CFAP20DC: variants seen among roughly 807,000 people sequenced by gnomAD.
The protein encoded by CFAP20DC is protein CFAP20DC.
A neutral mutation model predicts 101.7 loss-of-function variants in CFAP20DC; 84 were observed. The observed-to-expected ratio is 0.83, with a 90% CI of 0.69 to 0.99. The LOEUF (loss-of-function observed/expected upper bound fraction) is 0.99. CFAP20DC is among the 50% of genes least tolerant of loss of function. The pLI, the probability that CFAP20DC is intolerant of heterozygous loss-of-function variation, is 0.00. For synonymous variants in CFAP20DC, 359 were observed against 351.2 expected, an observed-to-expected ratio of 1.02 and a Z score of -0.25; for missense variants, 1,007 against 970.3, an observed-to-expected ratio of 1.04 and a Z score of -0.50.
intron 14 of CFAP20DC, among the ~76,000 whole-genome samples, chr3:58,816,987 C>A (rs1258619530): frequency 6.6e-6 from 1 of 152,172 alleles, no homozygotes; most frequent in Admixed American, 6.5e-5. Context: ...TGGCCCCTGA[C>A]CCCCGAGCAG....
At chr3:58,809,534 C>T (rs2074421285) in intron 14 of CFAP20DC, among the ~76,000 whole-genome samples, 1 of 151,992 alleles carries the variant, frequency 6.6e-6, no homozygotes, top group South Asian at 2.1e-4. Flanking sequence ...ACCAGAATCT[C>T]TGGGACGCAT....
At chr3:58,996,600 T>C (rs955261243) in intron 4 of CFAP20DC, among the ~76,000 whole-genome samples, 1 of 152,194 alleles carries the variant, frequency 6.6e-6, no homozygotes, top group Non-Finnish European at 1.5e-5. Context: ...GCCTACTATA[T>C]CCTGGGCCAG....
Position 58,874,663 on chromosome 3 carries a change from C to T in CFAP20DC, c.716-4354G>A, listed in dbSNP as rs966346627. 2.0e-5 allele frequency among the ~76,000 whole-genome samples: 3 copies of T among 152,146 alleles called. No homozygotes were observed. Among genetic ancestry groups the T allele is most frequent in the Non-Finnish European group, 2.9e-5 (2 of 68,022 alleles). On this transcript the variant is annotated intron_variant, in intron 7 of 16. Coordinates refer to ENST00000482387, the MANE Select transcript of CFAP20DC (RefSeq NM_001394063.1). This position sits in a 1 kb window ranked among gnomAD's most constrained non-coding sequence, Gnocchi z 5.1. ...CTCTTGACCTTTATGCCTCAGTTCA[C>T]ATATCATTTCCTCAGACAAGTCTTT...
At chr3:58,847,959 T>C (rs13073691) in intron 13 of CFAP20DC, among the ~76,000 whole-genome samples, 9,968 of 120,504 alleles carry the variant, frequency 0.083, 546 homozygotes, top group East Asian at 0.31. Flanking sequence ...TAGGTGGGAA[T>C]TGAACAATGA....
chr3:58,870,106 A>G lies in CFAP20DC; in HGVS notation c.852+67T>C, dbSNP rs1289935239. 6 of 1,315,368 alleles carry G rather than the reference A, an allele frequency of 4.6e-6. No homozygotes were observed. The East Asian group carries it at 1.2e-4, about 26-fold the overall frequency. The allele number at this position is 1,315,368 out of a possible 1,614,324, so 81.5% of individuals were successfully genotyped here. On this transcript the variant is annotated intron_variant, in intron 8 of 16. Transcript: ENST00000482387. Reference sequence around the variant, plus strand: ...CTTTCCCTCCCTCCCTCCCTCTACAAGGGGAAGACACTCTTCCCTTACCAG... The same window carrying G: ...CTTTCCCTCCCTCCCTCCCTCTACAGGGGGAAGACACTCTTCCCTTACCAG...
chr3:59,013,537 T>A (rs2093630786), intron 4 of CFAP20DC, among the ~76,000 whole-genome samples: 1 of 152,064 alleles, frequency 6.6e-6, no homozygotes, highest in South Asian at 2.1e-4. Flanking sequence ...CTTTTGGGAG[T>A]CACTACAAAT....
intron 4 of CFAP20DC, among the ~76,000 whole-genome samples, chr3:58,952,125 T>C (rs926987474): frequency 3.3e-5 from 5 of 152,164 alleles, no homozygotes; most frequent in African/African-American, 4.8e-5. Context: ...TACAAATTCA[T>C]CATCAGCGTT....
chr3:58,754,858 CAA>C (rs1250408527), intron 15 of CFAP20DC, among the ~76,000 whole-genome samples: 1 of 152,040 alleles, frequency 6.6e-6, no homozygotes, highest in African/African-American at 2.4e-5. Flanking sequence ...GAGATAATAA[CAA>C]AAGAGTTGAG....
intron 14 of CFAP20DC, among the ~76,000 whole-genome samples, chr3:58,810,197 A>G (rs1295589110): frequency 6.6e-6 from 1 of 152,128 alleles, no homozygotes; most frequent in Non-Finnish European, 1.5e-5. Flanking sequence ...TCCCTAACTC[A>G]TTTTATGAGG....
At chr3:58,915,114 C>T (rs2084547084) in intron 5 of CFAP20DC, among the ~76,000 whole-genome samples, 1 of 152,100 alleles carries the variant, frequency 6.6e-6, no homozygotes, top group Non-Finnish European at 1.5e-5. Context: ...GAAGTTCGGA[C>T]TAACCATGAT....
At chr3:58,942,599 G>A (rs924949012) in intron 4 of CFAP20DC, among the ~76,000 whole-genome samples, 7 of 152,200 alleles carry the variant, frequency 4.6e-5, no homozygotes, top group African/African-American at 1.7e-4. Flanking sequence ...AATTCCCTCA[G>A]GTGCCTACAC....
chr3:58,890,994 A>G (rs1191770587), intron 6 of CFAP20DC, among the ~76,000 whole-genome samples: 1 of 146,798 alleles, frequency 6.8e-6, no homozygotes, highest in African/African-American at 2.6e-5. Flanking sequence ...GCGGCCAGGC[A>G]GAGACACTCC....
downstream of CFAP20DC, among the ~76,000 whole-genome samples, chr3:58,740,013 GAACA>G (rs2067846249): frequency 6.6e-6 from 1 of 152,192 alleles, no homozygotes; most frequent in African/African-American, 2.4e-5. This position sits in a 1 kb window ranked among gnomAD's most constrained non-coding sequence, Gnocchi z 4.6. Context: ...GTGGCCCCTG[GAACA>G]AACAAACTGG....
chr3:58,742,532 CA>C lies in CFAP20DC; in HGVS notation c.2372del (p.Leu791ArgfsTer9). 6.2e-7 allele frequency: 1 copy of C among 1,608,792 alleles called. No individual in the cohort carries two copies. The highest frequency in any genetic ancestry group is 8.5e-7 in the Non-Finnish European group (1 of 1,177,540). On this transcript the variant is annotated frameshift_variant, in exon 17 of 17. Coordinates refer to ENST00000482387, the MANE Select transcript of CFAP20DC (RefSeq NM_001394063.1). LOFTEE classifies it high-confidence loss of function. ...TCAGACAAGGGTCATACAACAAAGT[CA>C]GTACTTCCTCGTCCTCTTCCACACT... ...DLSVEEDEEVLTLLYDPCLNC... is the reference protein window; with the variant it reads ...DLSVEEDEEVXTLLYDPCLNC...
At chr3:58,787,425 C>T (rs1201430640) in intron 15 of CFAP20DC, among the ~76,000 whole-genome samples, 1 of 151,334 alleles carries the variant, frequency 6.6e-6, no homozygotes, top group Non-Finnish European at 1.5e-5. Flanking sequence ...ACCAGCATGG[C>T]ACATGTATAC....
In CFAP20DC at chr3:58,723,221, A is replaced by AT. The variant is rs558266296; in HGVS notation, c.198-5594dup. 1.8e-4 allele frequency among the ~76,000 whole-genome samples: 28 copies of AT among 152,328 alleles called. 1 individual carries two copies. The South Asian group carries it at 3.9e-3, about 21-fold the overall frequency. On this transcript the variant is annotated intron_variant, in intron 3 of 3. Coordinates refer to the CFAP20DC transcript ENST00000486145. Reference sequence around the variant, plus strand: ...CTGTGAATAAATTGCTTATAGTAAGATTTTTTCCCCTTGAATGCTGTAGCA... The same window carrying AT: ...CTGTGAATAAATTGCTTATAGTAAGATTTTTTTCCCCTTGAATGCTGTAGCA...
intron 4 of CFAP20DC, among the ~76,000 whole-genome samples, chr3:58,955,275 C>T (rs80129304): frequency 6.6e-6 from 1 of 152,026 alleles, no homozygotes; most frequent in Admixed American, 6.6e-5. Context: ...ACTCACAGTA[C>T]CTGGTTTTAA....
chr3:59,047,058 T>G lies in CFAP20DC; in HGVS notation c.111+107A>C, dbSNP rs543850646. 4.1e-5 allele frequency: 29 copies of G among 715,604 alleles called. 1 individual carries two copies. The South Asian group carries it at 5.3e-4, about 13-fold the overall frequency. 44.3% of individuals were successfully genotyped at this position (715,604 alleles called of 1,614,324 possible). On this transcript the variant is annotated intron_variant, in intron 2 of 16. Coordinates refer to ENST00000482387, the MANE Select transcript of CFAP20DC (RefSeq NM_001394063.1). ...ACAATGTCATGAAAGGGTTTTGGAGTGAAAGAACAGGAAAAACAGCTCTGA... is the reference window on the plus strand; with the variant it reads ...ACAATGTCATGAAAGGGTTTTGGAGGGAAAGAACAGGAAAAACAGCTCTGA...
intron 15 of CFAP20DC, 36 bp downstream of exon 15, chr3:58,806,359 T>C (rs1212664140): frequency 1.4e-6 from 2 of 1,393,378 alleles, no homozygotes; most frequent in East Asian, 2.3e-5. Context: ...ACTAAGTTTT[T>C]TTTTTTCTTA....
Sources: gnomAD v4.1 joint callset for allele counts (sites outside exome capture counted in the v4.1 genomes callset) on GRCh38, gnomAD v4.1.1 for gene constraint, Gnocchi (gnomAD v3.1) non-coding constraint, MANE v1.5 for transcripts, NCBI Gene and HGNC (gene_info 2026-07-23, HGNC 2026-07-21) for gene names.